Variants in PI4KA observed in about 807,000 individuals in gnomAD.
PI4KA encodes the protein PI4-kinase alpha.
PI4KA carries 122 observed loss-of-function variants against 271.4 expected under a neutral mutation model. That is an observed-to-expected ratio of 0.45 (90% CI 0.39 to 0.52). The LOEUF is 0.52. Ranked by LOEUF, PI4KA falls within the 20% of genes least tolerant of loss-of-function variation. PI4KA has a pLI of 0.00. For missense variants in PI4KA, 1,969 were observed against 2,769.1 expected (o/e 0.71, Z 6.48); for synonymous variants, 1,041 against 1,078.8 (o/e 0.96, Z 0.69).
chr22:20,721,525 G>T, intron 42 of PI4KA, 107 bp from the exon 43 acceptor site: 1 of 1,207,834 alleles, frequency 8.3e-7, no homozygotes, highest in Non-Finnish European at 1.2e-6. Flanking sequence ...CAAGGGTAAG[G>T]CCCGGTGGCT....
At chr22:20,836,461 A>G (rs1342471128) in intron 2 of PI4KA, among the ~76,000 whole-genome samples, 1 of 152,206 alleles carries the variant, frequency 6.6e-6, no homozygotes, top group African/African-American at 2.4e-5. Flanking sequence ...AAAACTCCAT[A>G]AGGCCTGAAC....
At chr22:20,730,107 TGGCAGAGCA>T in intron 36 of PI4KA, 96 bp from the exon 37 acceptor site, 1 of 1,402,556 alleles carries the variant, frequency 7.1e-7, no homozygotes, top group African/African-American at 1.4e-5. Context: ...AAGCAATTAG[TGGCAGAGCA>T]GGCATTTTCT....
At chr22:20,744,748 C>T (rs745367932) in intron 29 of PI4KA, 28 bp from the exon 30 acceptor site, 12 of 1,567,742 alleles carry the variant, frequency 7.7e-6, no homozygotes, top group Non-Finnish European at 1.1e-5. Context: ...TTATTGTAGA[C>T]TATGGCAGCA....
At chr22:20,751,034 G>A (rs532152783) in intron 27 of PI4KA, among the ~76,000 whole-genome samples, 13 of 152,274 alleles carry the variant, frequency 8.5e-5, no homozygotes, top group African/African-American at 2.2e-4. Context: ...CAGCTAAACC[G>A]AGAACACAGC....
intron 1 of PI4KA, among the ~76,000 whole-genome samples, chr22:20,848,237 CA>C (rs60503165): frequency 0.024 from 1,219 of 51,252 alleles, 8 homozygotes; most frequent in African/African-American, 0.064. Context: ...GACTCCATCT[CA>C]AAAAAAAAAA....
intron 43 of PI4KA, 106 bp downstream of exon 43, chr22:20,721,192 G>A: frequency 8.3e-7 from 1 of 1,203,914 alleles, no homozygotes; most frequent in Non-Finnish European, 1.2e-6. Context: ...GGAGGGGTCG[G>A]TGAGCTGGGG....
intron 45 of PI4KA, among the ~76,000 whole-genome samples, chr22:20,715,474 C>T (rs1925864627): frequency 6.6e-6 from 1 of 151,942 alleles, no homozygotes. Flanking sequence ...TTGTCTAAGA[C>T]GTTTCTTTTT....
chr22:20,785,896 T>C (rs1296385772), intron 19 of PI4KA: 14 of 1,462,874 alleles, frequency 9.6e-6, no homozygotes, highest in Admixed American at 3.4e-5. Flanking sequence ...ATAAGTGCTA[T>C]ATCAATTCTG....
At chr22:20,788,166 G>C (rs925357931) in intron 19 of PI4KA, among the ~76,000 whole-genome samples, 1 of 152,182 alleles carries the variant, frequency 6.6e-6, no homozygotes, top group Non-Finnish European at 1.5e-5. Context: ...GTGTGTGCAG[G>C]TGTCTAACTG....
chr22:20,784,712 C>T (rs1040096120), intron 19 of PI4KA, among the ~76,000 whole-genome samples: 7 of 152,152 alleles, frequency 4.6e-5, no homozygotes, highest in African/African-American at 1.7e-4. Flanking sequence ...ACCGAGGACA[C>T]ATCATTCATG....
chr22:20,858,784 A>C lies in PI4KA; in HGVS notation c.-59T>G. The C allele has an allele frequency of 3.7e-6, 5 of 1,365,266 alleles. No homozygotes were observed. Among genetic ancestry groups the C allele is most frequent in the Non-Finnish European group, 3.8e-6 (4 of 1,055,246 alleles). The allele number at this position is 1,365,266 out of a possible 1,614,324, so 84.6% of individuals were successfully genotyped here. On this transcript the variant is annotated 5_prime_UTR_variant, in exon 1 of 55. Coordinates refer to ENST00000255882, the MANE Select transcript of PI4KA (RefSeq NM_058004.4). Reference sequence around the variant, plus strand: ...CCCGCTCCTGGCCCGCGAGCGCCCGACCTCAGGGCGCAGGCGTAGGTGCAT... The same window carrying C: ...CCCGCTCCTGGCCCGCGAGCGCCCGCCCTCAGGGCGCAGGCGTAGGTGCAT...
chr22:20,779,063 G>A, intron 19 of PI4KA: 1 of 942,876 alleles, frequency 1.1e-6, no homozygotes, highest in Middle Eastern at 3.5e-4. Flanking sequence ...TTAAAGAAGG[G>A]ATTTTCATCA....
chr22:20,840,831 C>T (rs538490675), intron 1 of PI4KA, among the ~76,000 whole-genome samples: 4 of 152,198 alleles, frequency 2.6e-5, no homozygotes, highest in East Asian at 3.9e-4. Context: ...GCCTGGGCAA[C>T]ACAGTAAGAC....
chr22:20,798,958 C>G (rs1935137645), intron 16 of PI4KA, 135 bp downstream of exon 16: 1 of 710,724 alleles, frequency 1.4e-6, no homozygotes, highest in Non-Finnish European at 2.3e-6. Flanking sequence ...ATTCTTACTA[C>G]TCCGCATTAA....
rs201595449 is a variant in PI4KA, at chr22:20,794,588, CTT to C, written c.2278-1347_2278-1346del. Among the ~76,000 whole-genome samples, 216 of 152,280 alleles carry C rather than the reference CTT, an allele frequency of 1.4e-3. 1 individual carries two copies. The highest frequency in any genetic ancestry group is 0.01 in the East Asian group (53 of 5,176). On this transcript the variant is annotated intron_variant, in intron 18 of 54. Coordinates refer to ENST00000255882, the MANE Select transcript of PI4KA (RefSeq NM_058004.4). ...TCCCTGCTTGCATCGGCCACTCTCT[CTT>C]GGCTGAGACTTTCACAGGGGGACTC...
chr22:20,832,817 C>T (rs1238149770), intron 3 of PI4KA, among the ~76,000 whole-genome samples: 1 of 152,066 alleles, frequency 6.6e-6, no homozygotes, highest in African/African-American at 2.4e-5. Context: ...GTATCCTTTA[C>T]AGTCTTTGGA....
At chr22:20,758,112 T>C (rs933075614) in intron 23 of PI4KA, among the ~76,000 whole-genome samples, 5 of 152,094 alleles carry the variant, frequency 3.3e-5, no homozygotes, top group African/African-American at 1.2e-4. Flanking sequence ...ATGCCTGTAA[T>C]CCCTGCACTT....
chr22:20,723,256 G>A (rs1356289124), intron 42 of PI4KA, among the ~76,000 whole-genome samples: 2 of 151,612 alleles, frequency 1.3e-5, no homozygotes, highest in African/African-American at 4.8e-5. Flanking sequence ...TCCTGACCTC[G>A]TGATCCACCC....
chr22:20,781,319 A>G (rs1471531834), intron 19 of PI4KA, among the ~76,000 whole-genome samples: 6 of 152,202 alleles, frequency 3.9e-5, no homozygotes, highest in South Asian at 2.1e-4. Context: ...AACACGAGGA[A>G]TGGTTCGGCT....
Sources: allele counts gnomAD v4.1 joint callset (sites outside exome capture counted in the v4.1 genomes callset), GRCh38; gene constraint gnomAD v4.1.1; transcripts MANE v1.5; gene names NCBI Gene and HGNC (gene_info 2026-07-23, HGNC 2026-07-21).